Variants in MADD observed in about 807,000 individuals in gnomAD.
The protein encoded by MADD is MAP kinase-activating death domain protein.
Under a neutral mutation model 176.7 loss-of-function variants are expected in MADD, and 109 were observed. That is an observed-to-expected ratio of 0.62 (90% confidence interval 0.53 to 0.72). The LOEUF (loss-of-function observed/expected upper bound fraction) is 0.72. MADD is among the 30% of genes least tolerant of loss of function. The probability of loss-of-function intolerance (pLI) is 0.00; values close to 1 mark genes in which losing one functional copy is unlikely to be tolerated. For missense variants in MADD, 1,914 were observed against 2,045.5 expected, an observed-to-expected ratio of 0.94 and a Z score of 1.24; for synonymous variants, 771 against 771.3, an observed-to-expected ratio of 1.00 and a Z score of 0.01.
At chr11:47,313,265 A>G (rs981139991) in intron 26 of MADD, among the ~76,000 whole-genome samples, 5 of 152,186 alleles carry the variant, frequency 3.3e-5, no homozygotes, top group Non-Finnish European at 5.9e-5. Context: ...AAAATATGTC[A>G]ACATTTGGAA....
At chr11:47,309,542 T>G in exon 25 of MADD, 10 of 1,614,182 alleles carry the variant, frequency 6.2e-6, no homozygotes, top group South Asian at 1.1e-5. Context: ...CGGAAGCGCC[T>G]GGAAGATGAT....
chr11:47,270,876 G>A (rs1001922715), intron 1 of MADD: 15 of 152,264 alleles, frequency 9.9e-5, no homozygotes, highest in African/African-American at 3.4e-4. Context: ...AGCTTGCAAG[G>A]TCACTGCCTG....
chr11:47,274,047 C>T (rs2047445059), intron 2 of MADD, 71 bp downstream of exon 2: 1 of 1,381,726 alleles, frequency 7.2e-7, no homozygotes, highest in African/African-American at 1.4e-5. Flanking sequence ...GTTCCCTTCT[C>T]CGATTTCCAT....
At chr11:47,299,584 GCTTTTTTTTT>G (rs2075961335) in intron 22 of MADD, among the ~76,000 whole-genome samples, 1 of 65,234 alleles carries the variant, frequency 1.5e-5, no homozygotes, top group African/African-American at 1.0e-4. Context: ...AGATTTTAGG[GCTTTTTTTTT>G]TTTTTTTTTT....
rs922425684 is a variant in MADD, at chr11:47,270,439, G to A, written c.-89+193G>A. Among the ~76,000 whole-genome samples the A allele has an allele frequency of 1.4e-4, 21 of 150,824 alleles. 2 individuals are homozygous for A. Among genetic ancestry groups the A allele is most frequent in the Admixed American group, 1.3e-3 (19 of 15,164 alleles). ...GGGGATGGGGGCGCCCCGGGCAGAG[G>A]AGGGGGCTCAGGCTACTGGGCTTGG... On this transcript the variant is annotated intron_variant, in intron 1 of 32. Transcript: ENST00000402192.
intron 23 of MADD, 115 bp from the exon 26 acceptor site, chr11:47,308,865 A>G: frequency 1.8e-6 from 2 of 1,094,752 alleles, no homozygotes; most frequent in Non-Finnish European, 2.8e-6. Flanking sequence ...CAGAACAAGC[A>G]GTGGGTGAAA....
At chr11:47,324,824 C>A in intron 30 of MADD, 1 of 655,642 alleles carries the variant, frequency 1.5e-6, no homozygotes, top group Non-Finnish European at 2.8e-6. Flanking sequence ...GCCAGGTGGC[C>A]ACGCTGCCCC....
At chr11:47,308,126 A>C (rs1266870597) in intron 22 of MADD, among the ~76,000 whole-genome samples, 1 of 152,238 alleles carries the variant, frequency 6.6e-6, no homozygotes, top group African/African-American at 2.4e-5. Flanking sequence ...TGTATCTTCA[A>C]ATTTAATTCT....
upstream of MADD, chr11:47,269,565 G>C (rs1189210563): frequency 6.6e-6 from 1 of 152,172 alleles, no homozygotes; most frequent in Non-Finnish European, 1.5e-5. Context: ...GGCTGTCCTC[G>C]CGGACTGACT....
intron 2 of MADD, 136 bp from the exon 3 acceptor site, chr11:47,274,427 C>A: frequency 1.4e-6 from 1 of 739,020 alleles, no homozygotes. Context: ...GCAGGCAGCA[C>A]CCATATTTTC....
chr11:47,325,943 G>A lies in MADD; in HGVS notation c.4543-795G>A, dbSNP rs183552711. Among the ~76,000 whole-genome samples, 3 of 152,202 alleles carry A rather than the reference G, an allele frequency of 2.0e-5. No individual in the cohort carries two copies. The highest frequency in any genetic ancestry group is 4.4e-5 in the Non-Finnish European group (3 of 68,046). On this transcript the variant is annotated intron_variant, in intron 30 of 32. Transcript: ENST00000402192. This position sits in a 1 kb window ranked among gnomAD's most constrained non-coding sequence, Gnocchi z 4.5. ...ACCTCACAGTTAGTAATGAGATAGC[G>A]ACCTGCCCCCTATTCTGCCACACAG...
At position 47,293,945 on chromosome 11, in the gene MADD, AGC is replaced by A. The variant is rs1471523805; in HGVS notation, c.3367_3368del (p.Ala1123ArgfsTer9). 6.2e-7 allele frequency: 1 copy of A among 1,614,224 alleles called. No homozygotes were observed. The highest frequency in any genetic ancestry group is 8.5e-7 in the Non-Finnish European group (1 of 1,180,024). On this transcript the variant is annotated frameshift_variant, in exon 20 of 33. Coordinates refer to ENST00000402192, the Ensembl canonical transcript of MADD. LOFTEE classifies it high-confidence loss of function. ...GACAGAGGAGAAAAAGTCCCAGATC[AGC>A]GCAGACAGTGGTGTGAGCCTGACGT... is the stretch of plus-strand genomic sequence containing the variant.
At chr11:47,273,760 A>G in intron 1 of MADD, 67 bp from the exon 2 acceptor site, 1 of 603,236 alleles carries the variant, frequency 1.7e-6, no homozygotes, top group South Asian at 2.0e-5. Flanking sequence ...CTGGCCGGGA[A>G]GAAGTTGAGA....
intron 22 of MADD, among the ~76,000 whole-genome samples, chr11:47,307,394 T>C (rs570901685): frequency 6.6e-6 from 1 of 152,332 alleles, no homozygotes; most frequent in Admixed American, 6.5e-5. Context: ...GAGCAAGGGC[T>C]CTTTATACAG....
Position 47,274,956 on chromosome 11 carries a change from T to C in MADD, c.456T>C (p.Asp152=), listed in dbSNP as rs745694903. ...CTCTCAGTGCTGACTCTACCCCTGATGTGAACCAGTCTCCTCGGGGCAAAC... is the reference window on the plus strand; with the variant it reads ...CTCTCAGTGCTGACTCTACCCCTGACGTGAACCAGTCTCCTCGGGGCAAAC... The change falls in exon 3 of 33, where the codon GAT becomes GAC. Residue 152 remains aspartate (D), a synonymous_variant. Transcript: ENST00000402192. 3.1e-6 allele frequency: 5 copies of C among 1,614,024 alleles called. No homozygotes were observed. The African/African-American group carries it at 5.3e-5, about 17-fold the overall frequency.
chr11:47,309,236 C>G, intron 23 of MADD, 45 bp from the exon 27 acceptor site: 1 of 1,594,224 alleles, frequency 6.3e-7, no homozygotes, highest in Non-Finnish European at 8.5e-7. Context: ...CAGCTATATT[C>G]TTAAATGTTA....
chr11:47,292,980 G>A (rs1174195300), intron 19 of MADD, among the ~76,000 whole-genome samples: 1 of 152,072 alleles, frequency 6.6e-6, no homozygotes. Context: ...GTCTGTAGCT[G>A]CCCCACTCTC....
At chr11:47,279,326 C>T (rs542573004) in intron 7 of MADD, among the ~76,000 whole-genome samples, 2 of 150,982 alleles carry the variant, frequency 1.3e-5, no homozygotes, top group East Asian at 3.9e-4. Flanking sequence ...TAGCCCTTCA[C>T]TCTCTGTTTC....
intron 1 of MADD, 104 bp from the exon 2 acceptor site, chr11:47,273,723 A>G (rs2047146963): frequency 1.9e-6 from 1 of 540,130 alleles, no homozygotes. Flanking sequence ...ATTAGTATGA[A>G]AGTGGAAGAC....
Sources: gnomAD v4.1 joint callset for allele counts (sites outside exome capture counted in the v4.1 genomes callset) on GRCh38, gnomAD v4.1.1 for gene constraint, Gnocchi (gnomAD v3.1) non-coding constraint, MANE v1.5 for transcripts, NCBI Gene and HGNC (gene_info 2026-07-23, HGNC 2026-07-21) for gene names.